The following SARDH variants were observed in gnomAD, a reference collection of about 807,000 sequenced individuals.
The protein encoded by SARDH is sarcosine dehydrogenase, also known as sarcosine dehydrogenase, mitochondrial.
SARDH carries 95 observed loss-of-function variants against 109.1 expected under a neutral mutation model. The ratio of observed to expected loss-of-function variants is 0.87; its 90% CI spans 0.74 to 1.03. The LOEUF (loss-of-function observed/expected upper bound fraction) is 1.03. Among genes scored for constraint, SARDH ranks in the 50% least tolerant of loss-of-function variants. The probability of loss-of-function intolerance (pLI) is 0.00; values close to 1 mark genes in which losing one functional copy is unlikely to be tolerated. For synonymous variants in SARDH, 572 were observed against 534.8 expected, an observed-to-expected ratio of 1.07 and a Z score of -0.96; for missense variants, 1,267 against 1,287.8, an observed-to-expected ratio of 0.98 and a Z score of 0.25.
chr9:133,694,653 C>T (rs1831220732), intron 14 of SARDH, among the ~76,000 whole-genome samples: 1 of 152,226 alleles, frequency 6.6e-6, no homozygotes, highest in African/African-American at 2.4e-5. Context: ...TGGCACTGGC[C>T]CCTCCCACCC....
intron 8 of SARDH, among the ~76,000 whole-genome samples, chr9:133,714,965 T>C (rs1832064638): frequency 6.6e-6 from 1 of 152,144 alleles, no homozygotes; most frequent in Non-Finnish European, 1.5e-5. Context: ...AAGGGTCTCT[T>C]GGATGTTTCA....
chr9:133,670,564 T>C lies in SARDH; in HGVS notation c.2495+20A>G, dbSNP rs1443570238. ...GTAGGCAGTTGCTTCCGGGTGGGCG[T>C]GGAACAGCGGGATACTCACTCCTCC... On this transcript the variant is annotated intron_variant, in intron 19 of 20. Transcript: ENST00000439388. The C allele has an allele frequency of 1.2e-5, 19 of 1,561,134 alleles. No individual in the cohort carries two copies. The highest frequency in any genetic ancestry group is 1.6e-5 in the Non-Finnish European group (18 of 1,153,020).
chr9:133,705,545 C>T (rs1367426034), intron 11 of SARDH, among the ~76,000 whole-genome samples: 1 of 48,480 alleles, frequency 2.1e-5, no homozygotes, highest in Non-Finnish European at 5.7e-5. Context: ...CCCCATCTGC[C>T]CTCACCCTGA....
Position 133,692,605 on chromosome 9 carries a change from A to G in SARDH, c.1921+1653T>C, listed in dbSNP as rs1162273506. Among the ~76,000 whole-genome samples, 5 of 151,662 alleles carry G rather than the reference A, an allele frequency of 3.3e-5. No homozygotes were observed. The East Asian group carries it at 9.7e-4, about 29-fold the overall frequency. On this transcript the variant is annotated intron_variant, in intron 15 of 20. Transcript: ENST00000439388. The surrounding 1 kb of genome is among the most constrained non-coding windows in gnomAD (Gnocchi z 5.0). The stretch of plus-strand genomic sequence containing the variant: ...CTTCCCTAACACCTCGCTCTTTCCC[A>G]TCCCCTTGCATGTCCCCCTCCAGGT...
At chr9:133,678,028 G>T (rs1454887565) in intron 17 of SARDH, among the ~76,000 whole-genome samples, 1 of 152,216 alleles carries the variant, frequency 6.6e-6, no homozygotes, top group East Asian at 1.9e-4. Flanking sequence ...GGTTCTGGAG[G>T]TCAGACCCTT....
At chr9:133,731,781 T>C (rs1052695868) in intron 3 of SARDH, among the ~76,000 whole-genome samples, 1 of 152,072 alleles carries the variant, frequency 6.6e-6, no homozygotes, top group Non-Finnish European at 1.5e-5. Context: ...GGGGTGAGAA[T>C]AGTGTATGTC....
At chr9:133,668,004 C>T (rs1001777995) in intron 19 of SARDH, among the ~76,000 whole-genome samples, 6 of 152,066 alleles carry the variant, frequency 3.9e-5, no homozygotes, top group Non-Finnish European at 7.4e-5. Context: ...TGCAGCCTGA[C>T]AGGAAACCCC....
At chr9:133,689,732 T>TC (rs35272329) in intron 16 of SARDH, among the ~76,000 whole-genome samples, 55,363 of 151,800 alleles carry the variant, frequency 0.36, 10,322 homozygotes, top group Middle Eastern at 0.44. Context: ...TTCCTCCCTG[T>TC]CCCCCACCCC....
Position 133,709,121 on chromosome 9 carries a change from C to T in SARDH, c.1329-693G>A, listed in dbSNP as rs1295088513. Among the ~76,000 whole-genome samples, 5 of 152,122 alleles carry T rather than the reference C, an allele frequency of 3.3e-5. No individual in the cohort carries two copies. The highest frequency in any genetic ancestry group is 2.0e-4 in the Admixed American group (3 of 15,276). On this transcript the variant is annotated intron_variant, in intron 10 of 20. Transcript: ENST00000439388. This position sits in a 1 kb window ranked among gnomAD's most constrained non-coding sequence, Gnocchi z 4.2. ...CCTGGGACCGGAGATGATGTGGCTG[C>T]AATAGTTTTGGGTTTGTTCCTTCGA...
intron 13 of SARDH, among the ~76,000 whole-genome samples, chr9:133,697,919 T>C (rs898635204): frequency 5.2e-5 from 7 of 134,756 alleles, no homozygotes; most frequent in East Asian, 2.2e-4. Flanking sequence ...AAAAGAAAAA[T>C]AAAAGGCATC....
intron 13 of SARDH, among the ~76,000 whole-genome samples, chr9:133,698,110 ACT>A (rs1831356099): frequency 6.6e-6 from 1 of 152,028 alleles, no homozygotes; most frequent in African/African-American, 2.4e-5. Flanking sequence ...CACACAAAAA[ACT>A]ATTGTATTTC....
At chr9:133,661,969 C>T (rs781634188), downstream of SARDH, among the ~76,000 whole-genome samples, 18 of 152,126 alleles carry the variant, frequency 1.2e-4, no homozygotes, top group South Asian at 6.2e-4. Context: ...ATGTGGTCCC[C>T]GGGCGGTGCA....
chr9:133,720,059 G>A lies in SARDH; in HGVS notation c.916-1017C>T, dbSNP rs781011436. Among the ~76,000 whole-genome samples the A allele has an allele frequency of 1.5e-4, 22 of 151,466 alleles. 1 individual carries two copies. Among genetic ancestry groups the A allele is most frequent in the Middle Eastern group, 6.8e-3 (2 of 292 alleles). ...CAGAACGTGGTGCTTGCAGTGAGCC[G>A]AGATCGTGCCACTGCACTCCAGCCT... On this transcript the variant is annotated intron_variant, in intron 6 of 20. Transcript: ENST00000439388.
At chr9:133,668,276 T>A (rs1297827867) in intron 19 of SARDH, among the ~76,000 whole-genome samples, 1 of 32,666 alleles carries the variant, frequency 3.1e-5, no homozygotes, top group Non-Finnish European at 5.8e-5. Flanking sequence ...CCACTCACCG[T>A]CCCTCTCCCT....
chr9:133,677,432 G>T (rs1407692691), intron 17 of SARDH, among the ~76,000 whole-genome samples: 1 of 152,154 alleles, frequency 6.6e-6, no homozygotes, highest in African/African-American at 2.4e-5. Flanking sequence ...TCGGACCAGA[G>T]CAGATACCTG....
At chr9:133,671,411 G>T in intron 18 of SARDH, 124 bp downstream of exon 18, 1 of 1,266,616 alleles carries the variant, frequency 7.9e-7, no homozygotes, top group Non-Finnish European at 1.1e-6. Context: ...TCATGGTGTG[G>T]AAAGAAGGAA....
chr9:133,685,773 T>C (rs2131370549), intron 16 of SARDH, among the ~76,000 whole-genome samples: 1 of 152,274 alleles, frequency 6.6e-6, no homozygotes, highest in Non-Finnish European at 1.5e-5. Flanking sequence ...CTCAGTGCTG[T>C]ACAGAAGAGT....
intron 3 of SARDH, 30 bp downstream of exon 3, chr9:133,732,393 C>A: frequency 6.5e-7 from 1 of 1,546,224 alleles, no homozygotes; most frequent in South Asian, 1.1e-5. Flanking sequence ...CCCAAGCCCC[C>A]CTCCTTGCCC....
intron 8 of SARDH, among the ~76,000 whole-genome samples, chr9:133,715,971 G>A (rs1010788894): frequency 1.3e-5 from 2 of 152,248 alleles, no homozygotes; most frequent in Admixed American, 6.5e-5. Flanking sequence ...CAGCCCTGAA[G>A]CGGGGCCAGA....
Sources: allele counts gnomAD v4.1 joint callset (sites outside exome capture counted in the v4.1 genomes callset), GRCh38; gene constraint gnomAD v4.1.1; non-coding constraint Gnocchi (gnomAD v3.1); transcripts MANE v1.5; gene names NCBI Gene and HGNC (gene_info 2026-07-23, HGNC 2026-07-21).